The following SLC34A3 variants were observed in gnomAD, a reference collection of about 807,000 sequenced individuals.
The protein encoded by SLC34A3 is sodium-dependent phosphate transport protein 2C.
A neutral mutation model predicts 43.9 loss-of-function variants in SLC34A3; 60 were observed. That is an observed-to-expected ratio of 1.37 (90% confidence interval 1.11 to 1.70). SLC34A3 has a LOEUF of 1.70. SLC34A3 is among the 40% of genes most tolerant of loss of function. The pLI is 0.00. For synonymous variants in SLC34A3, 451 were observed against 386.2 expected (o/e 1.17, Z -1.97); for missense variants, 969 against 823.8 (o/e 1.18, Z -2.16).
chr9:137,233,779 T>TTGGGGGCCCC, intron 8 of SLC34A3, 57 bp downstream of exon 8: 51 of 1,445,430 alleles, frequency 3.5e-5, no homozygotes, highest in Non-Finnish European at 4.5e-5. Flanking sequence ...TGCTGAGTCA[T>TTGGGGGCCCC]CCCGCCCCAC....
Position 137,234,308 on chromosome 9 carries a change from G to T in SLC34A3, c.1093+32G>T. The stretch of plus-strand genomic sequence containing the variant: ...GCGTGGGAGGAGGTGCGGTGGCCAG[G>T]GCTGACCCAGCATCCCCCATAGACT... On this transcript the variant is annotated intron_variant, in intron 10 of 12. Coordinates refer to ENST00000673835, the MANE Select transcript of SLC34A3 (RefSeq NM_001177316.2). The surrounding 1 kb of genome is among the most constrained non-coding windows in gnomAD (Gnocchi z 6.9). 8.7e-6 allele frequency: 14 copies of T among 1,606,926 alleles called. No individual in the cohort carries two copies. The highest frequency in any genetic ancestry group is 1.2e-5 in the Non-Finnish European group (14 of 1,179,138).
rs886044633 is a variant in SLC34A3 at position 137,234,161 on chromosome 9, C to T, written c.978C>T (p.Ile326=). ...TELTDLAVGC[I]LLAGSLLVLC... is the part of the protein sequence containing the mutation. The stretch of plus-strand genomic sequence containing the variant: ...TCACGGACCTGGCCGTGGGCTGCAT[C>T]CTGCTGGCCGGCTCCCTGCTGGTGC... Residue 326 remains isoleucine (I), a synonymous_variant, in exon 10 of 13, where the codon ATC becomes ATT. Coordinates refer to ENST00000673835, the MANE Select transcript of SLC34A3 (RefSeq NM_001177316.2). This position sits in a 1 kb window ranked among gnomAD's most constrained non-coding sequence, Gnocchi z 6.9. The T allele has an allele frequency of 8.1e-6, 13 of 1,602,516 alleles. No individual in the cohort carries two copies. The African/African-American group carries it at 1.6e-4, about 20-fold the overall frequency.
In SLC34A3 at chr9:137,233,283, C is replaced by T. The variant is rs755349302; in HGVS notation, c.635C>T (p.Ala212Val). The stretch of plus-strand genomic sequence containing the variant: ...CTGGTCCTGCTGCCACTGGAGAGCG[C>T]CACGGCCCTGCTGGAGAGGCTAAGT... ...TVLVLLPLESATALLERLSEL... is the reference protein window; with the variant it reads ...TVLVLLPLESVTALLERLSEL... The change falls in exon 7 of 13, where the codon GCC becomes GTC. Residue 212 changes from alanine (A) to valine (V), a missense_variant. Transcript: ENST00000673835. 5.7e-6 allele frequency: 9 copies of T among 1,588,150 alleles called. No individual in the cohort carries two copies. Among genetic ancestry groups the T allele is most frequent in the Non-Finnish European group, 7.7e-6 (9 of 1,167,604 alleles).
At chr9:137,233,974 C>T in intron 9 of SLC34A3, 33 bp downstream of exon 9, 1 of 1,491,658 alleles carries the variant, frequency 6.7e-7, no homozygotes, top group Non-Finnish European at 9.0e-7. Context: ...CCCCCTACAC[C>T]CCCCACACTC....
chr9:137,234,187 T>A lies in SLC34A3; in HGVS notation c.1004T>A (p.Leu335His), dbSNP rs1048170182. 8.7e-6 allele frequency: 14 copies of A among 1,605,950 alleles called. No individual in the cohort carries two copies. In the African/African-American group the frequency reaches 1.6e-4, roughly 18 times the overall value. Residue 335 changes from leucine to histidine, a missense_variant, in exon 10 of 13, where the codon CTC (leucine) becomes CAC (histidine). Coordinates refer to ENST00000673835, the MANE Select transcript of SLC34A3 (RefSeq NM_001177316.2). The surrounding 1 kb of genome is among the most constrained non-coding windows in gnomAD (Gnocchi z 6.9). ...CILLAGSLLV[L>H]CGCLVLIVKL... ...CTGCTGGCCGGCTCCCTGCTGGTGCTCTGCGGCTGCCTGGTCCTCATAGTC... is the reference window on the plus strand; with the variant it reads ...CTGCTGGCCGGCTCCCTGCTGGTGCACTGCGGCTGCCTGGTCCTCATAGTC...
chr9:137,234,188 C>T lies in SLC34A3; in HGVS notation c.1005C>T (p.Leu335=), dbSNP rs1256067596. The T allele has an allele frequency of 6.2e-7, 1 of 1,605,648 alleles. No homozygotes were observed. Among genetic ancestry groups the T allele is most frequent in the Non-Finnish European group, 8.5e-7 (1 of 1,178,016 alleles). Residue 335 remains leucine (L), a synonymous_variant, in exon 10 of 13, where the codon CTC becomes CTT. Transcript: ENST00000673835. This position sits in a 1 kb window ranked among gnomAD's most constrained non-coding sequence, Gnocchi z 6.9. ...TGCTGGCCGGCTCCCTGCTGGTGCT[C>T]TGCGGCTGCCTGGTCCTCATAGTCA... ...CILLAGSLLV[L]CGCLVLIVKL...
chr9:137,236,399 G>GC lies in SLC34A3; in HGVS notation c.1785dup (p.Ser596LeufsTer10), dbSNP rs1564423602. On this transcript the variant is annotated frameshift_variant, in exon 13 of 13. Coordinates refer to ENST00000673835, the MANE Select transcript of SLC34A3 (RefSeq NM_001177316.2). LOFTEE classifies it high-confidence loss of function. ...CTGCTACGAGAACCCTGAGATCTTGGCCTCCCAGCAGTTGTGACGGGCAGT... is the reference window on the plus strand; with the variant it reads ...CTGCTACGAGAACCCTGAGATCTTGGCCCTCCCAGCAGTTGTGACGGGCAGT... 4.6e-6 allele frequency: 7 copies of GC among 1,537,436 alleles called. No homozygotes were observed. Among genetic ancestry groups the GC allele is most frequent in the Non-Finnish European group, 6.1e-6 (7 of 1,146,704 alleles).
In SLC34A3 at chr9:137,234,643, T is replaced by G; in HGVS notation, c.1247T>G (p.Leu416Arg). Residue 416 changes from leucine (L) to arginine (R), a missense_variant, in exon 12 of 13, where the codon CTC becomes CGC. Coordinates refer to ENST00000673835, the MANE Select transcript of SLC34A3 (RefSeq NM_001177316.2). This position sits in a 1 kb window ranked among gnomAD's most constrained non-coding sequence, Gnocchi z 6.9. The part of the protein sequence containing the change: ...GVISLDRAYP[L>R]LLGSNIGTTT... Reference sequence around the variant, plus strand: ...ATCAGTCTGGACCGGGCGTACCCCCTCTTACTGGGCTCCAACATCGGCACC... The same window carrying G: ...ATCAGTCTGGACCGGGCGTACCCCCGCTTACTGGGCTCCAACATCGGCACC... 1 of 1,612,160 alleles carries G rather than the reference T, an allele frequency of 6.2e-7. No homozygotes were observed. Among genetic ancestry groups the G allele is most frequent in the Non-Finnish European group, 8.5e-7 (1 of 1,179,706 alleles).
intron 8 of SLC34A3, 57 bp downstream of exon 8, chr9:137,233,779 T>TGCCCCCC: frequency 1.5e-5 from 21 of 1,445,814 alleles, no homozygotes; most frequent in South Asian, 7.0e-5. Context: ...TGCTGAGTCA[T>TGCCCCCC]CCCGCCCCAC....
chr9:137,234,172 G>T lies in SLC34A3; in HGVS notation c.989G>T (p.Gly330Val). The part of the protein sequence containing the change: ...DLAVGCILLA[G>V]SLLVLCGCLV... Reference sequence around the variant, plus strand: ...GCCGTGGGCTGCATCCTGCTGGCCGGCTCCCTGCTGGTGCTCTGCGGCTGC... The same window carrying T: ...GCCGTGGGCTGCATCCTGCTGGCCGTCTCCCTGCTGGTGCTCTGCGGCTGC... Residue 330 changes from glycine (G) to valine (V), a missense_variant, in exon 10 of 13, where the codon GGC (glycine) becomes GTC (valine). Coordinates refer to ENST00000673835, the MANE Select transcript of SLC34A3 (RefSeq NM_001177316.2). The surrounding 1 kb of genome is among the most constrained non-coding windows in gnomAD (Gnocchi z 6.9). The T allele has an allele frequency of 6.2e-7, 1 of 1,604,116 alleles. No individual in the cohort carries two copies.
chr9:137,236,494 G>A lies in SLC34A3; in HGVS notation c.*78G>A, dbSNP rs568115061. 2.1e-5 allele frequency: 26 copies of A among 1,261,212 alleles called. No individual in the cohort carries two copies. The highest frequency in any genetic ancestry group is 9.9e-5 in the Admixed American group (5 of 50,520). The allele number at this position is 1,261,212 out of a possible 1,614,324, so 78.1% of individuals were successfully genotyped here. On this transcript the variant is annotated 3_prime_UTR_variant, in exon 13 of 13. Coordinates refer to ENST00000673835, the MANE Select transcript of SLC34A3 (RefSeq NM_001177316.2). ...AGGGCCCTGGAGGGGGGGTCCCCGC[G>A]GCAGCTGACCTCCGGTCACCTGCTT...
Position 137,234,264 on chromosome 9 carries a change from G to A in SLC34A3, c.1081G>A (p.Val361Ile). 4 of 1,610,942 alleles carry A rather than the reference G, an allele frequency of 2.5e-6. No individual in the cohort carries two copies. Among genetic ancestry groups the A allele is most frequent in the Non-Finnish European group, 3.4e-6 (4 of 1,179,558 alleles). ...RGRVAQVVRT[V>I]INADFPFPLG... ...CCGCGTGGCCCAGGTCGTGAGGACA[G>A]TCATCAATGCGGGTGAGGGCGTGGG... Residue 361 changes from valine to isoleucine, a missense_variant, in exon 10 of 13, where the codon GTC becomes ATC. By Grantham distance (29) the Val-to-Ile change is conservative. Coordinates refer to ENST00000673835, the MANE Select transcript of SLC34A3 (RefSeq NM_001177316.2). This position sits in a 1 kb window ranked among gnomAD's most constrained non-coding sequence, Gnocchi z 6.9.
chr9:137,233,096 G>A lies in SLC34A3; in HGVS notation c.541G>A (p.Asp181Asn). The change falls in exon 6 of 13, where the codon GAC (aspartate) becomes AAC (asparagine). Residue 181 changes from aspartate to asparagine, a missense_variant. By Grantham distance (23) the Asp-to-Asn change is conservative. Transcript: ENST00000673835. The part of the protein sequence containing the change: ...STLVSMAQSG[D>N]RDEFQRAFSG... ...CCTGGTCTCAATGGCGCAGTCAGGGGACCGGGATGAATTTCAGAGGTGAGT... is the reference window on the plus strand; with the variant it reads ...CCTGGTCTCAATGGCGCAGTCAGGGAACCGGGATGAATTTCAGAGGTGAGT... 1.2e-6 allele frequency: 2 copies of A among 1,608,432 alleles called. No homozygotes were observed. The highest frequency in any genetic ancestry group is 1.3e-5 in the African/African-American group (1 of 74,782).
intron 3 of SLC34A3, 67 bp downstream of exon 3, chr9:137,232,228 G>A (rs1836262483): frequency 1.4e-6 from 2 of 1,477,088 alleles, no homozygotes; most frequent in South Asian, 1.1e-5. Context: ...TGGGGAGACA[G>A]AGCAGGGTGG....
rs199624248 is a variant in SLC34A3, at chr9:137,232,616, G to C, written c.217G>C (p.Val73Leu). 6.2e-7 allele frequency: 1 copy of C among 1,612,354 alleles called. No homozygotes were observed. The highest frequency in any genetic ancestry group is 8.5e-7 in the Non-Finnish European group (1 of 1,179,660). The change falls in exon 4 of 13, where the codon GTC (valine) becomes CTC (leucine). Residue 73 changes from valine to leucine, a missense_variant. Physicochemically the swap from Val to Leu is conservative, Grantham distance 32. Transcript: ENST00000673835. Reference protein sequence around the residue: ...AGRLRRVAGSVLKACGLLGSL... With the variant: ...AGRLRRVAGSLLKACGLLGSL... ...CAGGCTGCGCCGCGTGGCCGGCAGC[G>C]TCCTCAAGGCCTGCGGGCTCCTCGG...
chr9:137,230,309 CTA>C (rs1836139582), upstream of SLC34A3, among the ~76,000 whole-genome samples: 1 of 152,164 alleles, frequency 6.6e-6, no homozygotes, highest in South Asian at 2.1e-4. Flanking sequence ...CCGTCGCTGG[CTA>C]TACCAGGGCC....
Position 137,233,898 on chromosome 9 carries a change from G to A in SLC34A3, c.882G>A (p.Pro294=), listed in dbSNP as rs370122685. The change falls in exon 9 of 13, where the codon CCG becomes CCA. Residue 294 remains proline, a synonymous_variant. Transcript: ENST00000673835. Reference sequence around the variant, plus strand: ...ACAGCAGCTGTGGCGCCTTCGGCCCGTGCACAGAGAAGAACAGCACAGCCC... The same window carrying A: ...ACAGCAGCTGTGGCGCCTTCGGCCCATGCACAGAGAAGAACAGCACAGCCC... ...QENSSCGAFG[P]CTEKNSTAPA... is the part of the protein sequence containing the mutation. 67 of 1,606,556 alleles carry A rather than the reference G, an allele frequency of 4.2e-5. No individual in the cohort carries two copies. In the East Asian group the frequency reaches 8.1e-4, roughly 19 times the overall value.
intron 7 of SLC34A3, 85 bp downstream of exon 7, chr9:137,233,489 C>G: frequency 1.3e-6 from 2 of 1,580,554 alleles, no homozygotes. Flanking sequence ...GATGGAGGGT[C>G]AGCGGAGGGT....
In SLC34A3 at chr9:137,233,954, C is replaced by A. The variant is rs1836409302; in HGVS notation, c.925+13C>A. ...GACAGGCTGCCCTGTGAGGCCCGGCCCACCCCAAGCCCCCTACACCCCCCA... is the reference window on the plus strand; with the variant it reads ...GACAGGCTGCCCTGTGAGGCCCGGCACACCCCAAGCCCCCTACACCCCCCA... On this transcript the variant is annotated intron_variant, in intron 9 of 12. Coordinates refer to ENST00000673835, the MANE Select transcript of SLC34A3 (RefSeq NM_001177316.2). The A allele has an allele frequency of 1.3e-6, 2 of 1,534,180 alleles. No homozygotes were observed. The highest frequency in any genetic ancestry group is 1.4e-5 in the African/African-American group (1 of 72,352).
Sources: gnomAD v4.1 joint callset for allele counts (sites outside exome capture counted in the v4.1 genomes callset) on GRCh38, gnomAD v4.1.1 for gene constraint, Gnocchi (gnomAD v3.1) non-coding constraint, MANE v1.5 for transcripts, NCBI Gene and HGNC (gene_info 2026-07-23, HGNC 2026-07-21) for gene names.